The following LYPD5 variants were observed in gnomAD, a reference collection of about 807,000 sequenced individuals.
LYPD5 encodes the protein LY6/PLAUR domain containing 5, also known as ly6/PLAUR domain-containing protein 5.
A neutral mutation model predicts 19.1 loss-of-function variants in LYPD5; 21 were observed. That is an observed-to-expected ratio of 1.10 (90% CI 0.78 to 1.58). The LOEUF (loss-of-function observed/expected upper bound fraction) is 1.58, where lower values mean the gene tolerates loss of function less well. Ranked by LOEUF, LYPD5 falls within the 40% of genes most tolerant of loss-of-function variation. LYPD5 has a pLI of 0.00. For missense variants in LYPD5, 287 were observed against 329.8 expected, an observed-to-expected ratio of 0.87 and a Z score of 1.00; for synonymous variants, 128 against 142.7, an observed-to-expected ratio of 0.90 and a Z score of 0.74.
chr19:43,801,720 G>A (rs754443654), intron 1 of LYPD5, among the ~76,000 whole-genome samples: 1 of 152,126 alleles, frequency 6.6e-6, no homozygotes, highest in Admixed American at 6.6e-5. Flanking sequence ...AGACTCATAG[G>A]ACATACTGAA....
At chr19:43,820,375 A>C (rs1970408633) in intron 1 of LYPD5, 1 of 151,760 alleles carries the variant, frequency 6.6e-6, no homozygotes, top group Non-Finnish European at 1.5e-5. Flanking sequence ...TATTGCACAC[A>C]CCCCCTACAC....
At chr19:43,799,936 C>T in intron 1 of LYPD5, 102 bp from the exon 2 acceptor site, 1 of 1,386,332 alleles carries the variant, frequency 7.2e-7, no homozygotes. Flanking sequence ...CCTGGCCCCT[C>T]TGCTCCCAGG....
At chr19:43,809,663 A>T (rs1970303161) in intron 1 of LYPD5, among the ~76,000 whole-genome samples, 1 of 152,232 alleles carries the variant, frequency 6.6e-6, no homozygotes, top group Non-Finnish European at 1.5e-5. Flanking sequence ...AAGTGCTGGG[A>T]TTACAGGCGT....
At chr19:43,819,302 T>G (rs1970400113) in intron 1 of LYPD5, among the ~76,000 whole-genome samples, 1 of 141,540 alleles carries the variant, frequency 7.1e-6, no homozygotes, top group South Asian at 2.2e-4. Flanking sequence ...TTTTTTTTTT[T>G]GAGATGGAGT....
intron 1 of LYPD5, among the ~76,000 whole-genome samples, chr19:43,819,840 T>A (rs1970404644): frequency 6.6e-6 from 1 of 152,210 alleles, no homozygotes; most frequent in Non-Finnish European, 1.5e-5. Flanking sequence ...CTGTTATGTA[T>A]GTGAGGGAAC....
chr19:43,803,629 G>A (rs1456249662), upstream of LYPD5, among the ~76,000 whole-genome samples: 1 of 152,104 alleles, frequency 6.6e-6, no homozygotes, highest in Non-Finnish European at 1.5e-5. Context: ...CCTGGATCAC[G>A]CTTTTTGTAG....
chr19:43,803,799 A>G (rs1970248682), upstream of LYPD5, among the ~76,000 whole-genome samples: 1 of 152,112 alleles, frequency 6.6e-6, no homozygotes, highest in African/African-American at 2.4e-5. Context: ...ACAGAGGGCC[A>G]AATATAATTG....
In LYPD5 at chr19:43,798,457, A is replaced by G. The variant is rs138147221; in HGVS notation, c.515T>C (p.Val172Ala). ...ACFQGNGRMT[V>A]GNFSVPVYIR... ...CTTCCACCCTTCCAGCCCCTTACCAACTGTCATTCTGCCATTGCCCTGGAA... is the reference window on the plus strand; with the variant it reads ...CTTCCACCCTTCCAGCCCCTTACCAGCTGTCATTCTGCCATTGCCCTGGAA... Residue 172 changes from valine to alanine, a missense_variant and splice_region_variant, in exon 4 of 5, where the codon GTT becomes GCT. Val to Ala is a moderately conservative substitution (Grantham distance 64). Coordinates refer to ENST00000377950, the MANE Select transcript of LYPD5 (RefSeq NM_001031749.3). The G allele has an allele frequency of 1.2e-4, 194 of 1,605,834 alleles. No homozygotes were observed. Among genetic ancestry groups the G allele is most frequent in the Non-Finnish European group, 1.5e-4 (174 of 1,179,928 alleles).
chr19:43,802,835 C>A (rs1244593482), upstream of LYPD5, among the ~76,000 whole-genome samples: 1 of 152,152 alleles, frequency 6.6e-6, no homozygotes, highest in Admixed American at 6.5e-5. Flanking sequence ...CATCTCCCCA[C>A]TCATCCACAC....
At chr19:43,807,751 G>C (rs1970284331) in intron 1 of LYPD5, among the ~76,000 whole-genome samples, 1 of 152,198 alleles carries the variant, frequency 6.6e-6, no homozygotes, top group South Asian at 2.1e-4. Context: ...GGGTGAGATT[G>C]GGTCCTGATT....
At chr19:43,814,744 A>G (rs1970356014) in intron 1 of LYPD5, among the ~76,000 whole-genome samples, 1 of 152,214 alleles carries the variant, frequency 6.6e-6, no homozygotes, top group Admixed American at 6.5e-5. Flanking sequence ...CATAGCTGCA[A>G]CCAAGGTCAG....
chr19:43,817,454 G>C (rs1401520915), intron 1 of LYPD5, among the ~76,000 whole-genome samples: 1 of 152,182 alleles, frequency 6.6e-6, no homozygotes, highest in Non-Finnish European at 1.5e-5. Context: ...CCTTTGAAGG[G>C]AAGAGCTGCA....
At position 43,797,496 on chromosome 19, in the gene LYPD5, A is replaced by T; in HGVS notation, c.*95T>A. The T allele has an allele frequency of 9.6e-7, 1 of 1,036,896 alleles. No individual in the cohort carries two copies. Among genetic ancestry groups the T allele is most frequent in the Non-Finnish European group, 1.4e-6 (1 of 700,048 alleles). 64.2% of individuals were successfully genotyped at this position (1,036,896 alleles called of 1,614,324 possible). ...CCAGAGGGACAGGAGTGCAATTCTT[A>T]CTTTAACATCATTTTCCAGTGAGCT... is the stretch of plus-strand genomic sequence containing the variant. On this transcript the variant is annotated 3_prime_UTR_variant, in exon 5 of 5. Coordinates refer to ENST00000377950, the MANE Select transcript of LYPD5 (RefSeq NM_001031749.3).
upstream of LYPD5, among the ~76,000 whole-genome samples, chr19:43,802,872 C>A (rs926351033): frequency 9.9e-5 from 15 of 152,202 alleles, no homozygotes; most frequent in Non-Finnish European, 1.8e-4. Flanking sequence ...ACCTTCCTGT[C>A]TCCCAGCCCT....
At chr19:43,812,370 T>TATCTATCTATCTATCTATCA (rs1454380858) in intron 1 of LYPD5, among the ~76,000 whole-genome samples, 1 of 141,842 alleles carries the variant, frequency 7.1e-6, no homozygotes, top group African/African-American at 2.6e-5. Flanking sequence ...TCTATCTATC[T>TATCTATCTATCTATCTATCA]ATCTATCAAT....
chr19:43,804,490 C>G (rs923034953), upstream of LYPD5, among the ~76,000 whole-genome samples: 2 of 152,198 alleles, frequency 1.3e-5, no homozygotes, highest in African/African-American at 4.8e-5. Flanking sequence ...GCTTAACCAC[C>G]CTAGCATATT....
chr19:43,797,773 C>T lies in LYPD5; in HGVS notation c.574G>A (p.Glu192Lys), dbSNP rs114185213. The T allele has an allele frequency of 1.5e-4, 235 of 1,613,778 alleles. 1 individual carries two copies. In the East Asian group the frequency reaches 2.4e-3, roughly 16 times the overall value. The change falls in exon 5 of 5, where the codon GAG becomes AAG. Residue 192 changes from glutamate (E) to lysine (K), a missense_variant. Glu to Lys is a moderately conservative substitution (Grantham distance 56, BLOSUM62 1). Transcript: ENST00000377950. ...GCTGTCCAGGGGCTGGTGGTGCCCT[C>T]GGTGGTGCAGGAGGGCCGGTGGCAG... is the stretch of plus-strand genomic sequence containing the variant. ...RTCHRPSCTT[E>K]GTTSPWTAID... is the part of the protein sequence containing the mutation.
At position 43,798,489 on chromosome 19, in the gene LYPD5, G is replaced by A. The variant is rs1175803883; in HGVS notation, c.483C>T (p.Thr161=). 1.6e-5 allele frequency: 26 copies of A among 1,609,218 alleles called. No homozygotes were observed. The highest frequency in any genetic ancestry group is 1.9e-5 in the Non-Finnish European group (22 of 1,180,012). ...TTCTGCCATTGCCCTGGAAGCAGGC[G>A]GTCTGGTCCTGGTGACACTGGACTC... The part of the protein sequence containing the change: ...SRRVQCHQDQ[T]ACFQGNGRMT... The change falls in exon 4 of 5, where the codon ACC becomes ACT. Residue 161 remains threonine, a synonymous_variant. Transcript: ENST00000377950.
chr19:43,803,278 C>A (rs1044354506), upstream of LYPD5, among the ~76,000 whole-genome samples: 5 of 152,184 alleles, frequency 3.3e-5, no homozygotes, highest in African/African-American at 1.2e-4. Flanking sequence ...CAGCAGACAA[C>A]CAGAGGGTCA....
Sources: allele counts gnomAD v4.1 joint callset (sites outside exome capture counted in the v4.1 genomes callset), GRCh38; gene constraint gnomAD v4.1.1; transcripts MANE v1.5; gene names NCBI Gene and HGNC (gene_info 2026-07-23, HGNC 2026-07-21).